PSMC3: variants seen among roughly 807,000 people sequenced by gnomAD.
The protein encoded by PSMC3 is proteasome 26S subunit, ATPase 3.
Under a neutral mutation model 52.0 loss-of-function variants are expected in PSMC3, and 11 were observed. The observed-to-expected ratio is 0.21, with a 90% CI of 0.13 to 0.35. The LOEUF (loss-of-function observed/expected upper bound fraction) is 0.35. Among genes scored for constraint, PSMC3 ranks in the 10% least tolerant of loss-of-function variants. The pLI, the probability that PSMC3 is intolerant of heterozygous loss-of-function variation, is 1.00. For synonymous variants in PSMC3, 201 were observed against 218.8 expected (o/e 0.92, Z 0.72); for missense variants, 238 against 567.1 (o/e 0.42, Z 5.89).
chr11:47,420,549 G>C, intron 9 of PSMC3, 82 bp downstream of exon 9: 3 of 1,512,748 alleles, frequency 2.0e-6, no homozygotes, highest in Admixed American at 2.0e-5. Flanking sequence ...TCTCATTCCA[G>C]CTCCACCACT....
In PSMC3 at chr11:47,422,308, C is replaced by G. The variant is rs2096041553; in HGVS notation, c.884+266G>C. Among the ~76,000 whole-genome samples the G allele has an allele frequency of 6.6e-6, 1 of 152,164 alleles. No individual in the cohort carries two copies. Among genetic ancestry groups the G allele is most frequent in the Non-Finnish European group, 1.5e-5 (1 of 68,024 alleles). ...CCGCCTGCCTCGGCCTCCCAAAGTG[C>G]TGGGATTACAGGCGTGAGCCACCGT... On this transcript the variant is annotated intron_variant, in intron 8 of 11. Coordinates refer to ENST00000298852, the MANE Select transcript of PSMC3 (RefSeq NM_002804.5). The surrounding 1 kb of genome is among the most constrained non-coding windows in gnomAD (Gnocchi z 4.3).
At chr11:47,419,045 A>G (rs1013937246) in intron 11 of PSMC3, 71 bp downstream of exon 11, 69 of 1,605,606 alleles carry the variant, frequency 4.3e-5, no homozygotes, top group Non-Finnish European at 5.7e-5. Context: ...CACCAGCCAA[A>G]TGCCCCCATC....
intron 6 of PSMC3, 64 bp downstream of exon 6, chr11:47,423,982 C>T: frequency 1.9e-6 from 3 of 1,608,590 alleles, no homozygotes; most frequent in Non-Finnish European, 1.7e-6. Flanking sequence ...AGATGAGCTG[C>T]ATCAATGGCG....
At chr11:47,423,784 C>T (rs536971609) in intron 6 of PSMC3, among the ~76,000 whole-genome samples, 1 of 79,930 alleles carries the variant, frequency 1.3e-5, no homozygotes, top group Admixed American at 1.6e-4. Context: ...AGCAAAACTC[C>T]ATCTCGGAAA....
chr11:47,421,861 A>G (rs2096040975), intron 8 of PSMC3, among the ~76,000 whole-genome samples: 1 of 151,898 alleles, frequency 6.6e-6, no homozygotes, highest in Admixed American at 6.6e-5. Flanking sequence ...CATGTTGGCC[A>G]GGCTGGTCTC....
Position 47,422,938 on chromosome 11 carries a change from C to T in PSMC3, c.627G>A (p.Lys209=). ...VEAIVLPMNH[K]EKFENLGIQP... ...GGATCCCCAAGTTCTCAAACTTCTC[C>T]TTGTGGTTCATTGGCAAGACAATGG... The change falls in exon 7 of 12, where the codon AAG becomes AAA. Residue 209 remains lysine, a synonymous_variant. Coordinates refer to ENST00000298852, the MANE Select transcript of PSMC3 (RefSeq NM_002804.5). The surrounding 1 kb of genome is among the most constrained non-coding windows in gnomAD (Gnocchi z 4.3). 1.2e-6 allele frequency: 2 copies of T among 1,613,616 alleles called. No homozygotes were observed. The highest frequency in any genetic ancestry group is 1.7e-6 in the Non-Finnish European group (2 of 1,179,764).
rs900279013 is a variant in PSMC3 at position 47,425,947 on chromosome 11, C to T, written c.79G>A (p.Asp27Asn). 1.9e-6 allele frequency: 3 copies of T among 1,612,308 alleles called. No homozygotes were observed. Among genetic ancestry groups the T allele is most frequent in the Non-Finnish European group, 2.5e-6 (3 of 1,178,486 alleles). Residue 27 changes from aspartate (D) to asparagine (N), a missense_variant, in exon 2 of 12, where the codon GAT (aspartate) becomes AAT (asparagine). Asp to Asn is a conservative substitution (Grantham distance 23). Coordinates refer to ENST00000298852, the MANE Select transcript of PSMC3 (RefSeq NM_002804.5). Reference sequence around the variant, plus strand: ...TTGAGCACCTCCTCCCCAATTCCATCTTGCTGTAAAAAATTATTTGTTTAT... The same window carrying T: ...TTGAGCACCTCCTCCCCAATTCCATTTTGCTGTAAAAAATTATTTGTTTAT... ...MATVWDEAEQ[D>N]GIGEEVLKMS...
chr11:47,426,078 C>T (rs2096046069), intron 1 of PSMC3, 127 bp downstream of exon 1: 1 of 1,404,128 alleles, frequency 7.1e-7, no homozygotes. Context: ...GACCCCTGCC[C>T]ACATCCCAAA....
At position 47,425,062 on chromosome 11, in the gene PSMC3, C is replaced by T. The variant is rs140153526; in HGVS notation, c.285+59G>A. Reference sequence around the variant, plus strand: ...ACCCACTCTTTCCCTAGTGGCCCCACCCCAGGCTGTCCCCATTCCCTGCTG... The same window carrying T: ...ACCCACTCTTTCCCTAGTGGCCCCATCCCAGGCTGTCCCCATTCCCTGCTG... On this transcript the variant is annotated intron_variant, in intron 3 of 11. Coordinates refer to ENST00000298852, the MANE Select transcript of PSMC3 (RefSeq NM_002804.5). The T allele has an allele frequency of 5.6e-6, 9 of 1,609,880 alleles. No individual in the cohort carries two copies. In the East Asian group the frequency reaches 2.0e-4, roughly 36 times the overall value.
Position 47,425,360 on chromosome 11 carries a change from A to T in PSMC3, c.160-114T>A. 3.1e-6 allele frequency: 4 copies of T among 1,309,006 alleles called. No homozygotes were observed. The South Asian group carries it at 4.9e-5, about 16-fold the overall frequency. The allele number at this position is 1,309,006 out of a possible 1,614,324, so 81.1% of individuals were successfully genotyped here. On this transcript the variant is annotated intron_variant, in intron 2 of 11. Coordinates refer to ENST00000298852, the MANE Select transcript of PSMC3 (RefSeq NM_002804.5). ...GGGACCCTCCCGCATCCATTCATCC[A>T]GCTCTGAGGCTCTCTGAAGGCAGAG...
chr11:47,419,485 A>G (rs2096037375), intron 10 of PSMC3, among the ~76,000 whole-genome samples: 1 of 152,202 alleles, frequency 6.6e-6, no homozygotes, highest in Non-Finnish European at 1.5e-5. Flanking sequence ...TGTGCCCAGC[A>G]CTGCGCTTGA....
At position 47,422,571 on chromosome 11, in the gene PSMC3, T is replaced by C. The variant is rs375812734; in HGVS notation, c.884+3A>G. On this transcript the variant is annotated splice_donor_region_variant and intron_variant, in intron 8 of 11. Coordinates refer to ENST00000298852, the MANE Select transcript of PSMC3 (RefSeq NM_002804.5). This position sits in a 1 kb window ranked among gnomAD's most constrained non-coding sequence, Gnocchi z 4.3. The stretch of plus-strand genomic sequence containing the variant: ...TCGCTAGGGACCCTTGGCCCTCCCT[T>C]ACCGCTTGGTGCCGATGGCATCCAA... The C allele has an allele frequency of 1.9e-4, 307 of 1,614,030 alleles. 2 individuals carry two copies. In the South Asian group the frequency reaches 3.2e-3, roughly 17 times the overall value.
intron 10 of PSMC3, among the ~76,000 whole-genome samples, chr11:47,419,835 G>A (rs975357102): frequency 9.2e-5 from 14 of 151,794 alleles, no homozygotes; most frequent in Non-Finnish European, 1.8e-4. Context: ...CTCCAGCCTG[G>A]GCGACAGAGC....
Position 47,422,558 on chromosome 11 carries a change from CT to C in PSMC3, c.884+15del. ...ACCGCCACAGAGATCGCTAGGGACC[CT>C]TGGCCCTCCCTTACCGCTTGGTGCC... On this transcript the variant is annotated intron_variant, in intron 8 of 11. Coordinates refer to ENST00000298852, the MANE Select transcript of PSMC3 (RefSeq NM_002804.5). The surrounding 1 kb of genome is among the most constrained non-coding windows in gnomAD (Gnocchi z 4.3). 6.2e-7 allele frequency: 1 copy of C among 1,613,882 alleles called. No individual in the cohort carries two copies. The highest frequency in any genetic ancestry group is 8.5e-7 in the Non-Finnish European group (1 of 1,179,864).
intron 10 of PSMC3, among the ~76,000 whole-genome samples, chr11:47,419,882 A>G (rs1236174308): frequency 6.6e-6 from 1 of 151,258 alleles, no homozygotes; most frequent in African/African-American, 2.4e-5. Context: ...AAAAAAAAAA[A>G]GTAAGGCTGA....
Position 47,423,793 on chromosome 11 carries a change from A to G in PSMC3, c.591+253T>C, listed in dbSNP as rs1288223176. Among the ~76,000 whole-genome samples, 12 of 1,162 alleles carry G rather than the reference A, an allele frequency of 0.01. No individual in the cohort carries two copies. In the Admixed American group the frequency reaches 0.2, roughly 19 times the overall value. 0.8% of individuals were successfully genotyped at this position (1,162 alleles called of 152,430 possible). A position where few individuals can be genotyped will look rare whatever the true frequency, so the allele number is the denominator to read the frequency against. On this transcript the variant is annotated intron_variant, in intron 6 of 11. Transcript: ENST00000298852. Reference sequence around the variant, plus strand: ...AGTAAAAGCAAAACTCCATCTCGGAAAAAAAAAAAAAAAGGACACTGGGCC... The same window carrying G: ...AGTAAAAGCAAAACTCCATCTCGGAGAAAAAAAAAAAAAGGACACTGGGCC...
At chr11:47,425,083 T>A (rs201396602) in intron 3 of PSMC3, 38 bp downstream of exon 3, 7 of 1,613,242 alleles carry the variant, frequency 4.3e-6, no homozygotes, top group Non-Finnish European at 5.9e-6. Context: ...CCCCATTCCC[T>A]GCTGACTCCC....
At position 47,426,298 on chromosome 11, in the gene PSMC3, G is replaced by T; in HGVS notation, c.-19C>A. ...GATTCATTTCCTGGAGGAGCGGGCA[G>T]AAGATGGGACCAGGCGGGAGCCGCA... is the stretch of plus-strand genomic sequence containing the variant. On this transcript the variant is annotated 5_prime_UTR_variant, in exon 1 of 12. The change creates a new upstream start codon in the 5' untranslated region. Coordinates refer to ENST00000298852, the MANE Select transcript of PSMC3 (RefSeq NM_002804.5). The T allele has an allele frequency of 1.3e-6, 2 of 1,547,906 alleles. No individual in the cohort carries two copies. The highest frequency in any genetic ancestry group is 1.7e-6 in the Non-Finnish European group (2 of 1,144,284).
Position 47,422,457 on chromosome 11 carries a change from A to G in PSMC3, c.884+117T>C. On this transcript the variant is annotated intron_variant, in intron 8 of 11. Transcript: ENST00000298852. The surrounding 1 kb of genome is among the most constrained non-coding windows in gnomAD (Gnocchi z 4.3). Reference sequence around the variant, plus strand: ...GAATCTCAAGAGTTGAGGAGCCACCATCCAGGGGCAGGAGGGGATACAGGG... The same window carrying G: ...GAATCTCAAGAGTTGAGGAGCCACCGTCCAGGGGCAGGAGGGGATACAGGG... 7.8e-7 allele frequency: 1 copy of G among 1,279,318 alleles called. No individual in the cohort carries two copies. Among genetic ancestry groups the G allele is most frequent in the Non-Finnish European group, 1.1e-6 (1 of 920,076 alleles). The allele number at this position is 1,279,318 out of a possible 1,614,324, so 79.2% of individuals were successfully genotyped here.
Sources: gnomAD v4.1 joint callset for allele counts (sites outside exome capture counted in the v4.1 genomes callset) on GRCh38, gnomAD v4.1.1 for gene constraint, Gnocchi (gnomAD v3.1) non-coding constraint, MANE v1.5 for transcripts, NCBI Gene and HGNC (gene_info 2026-07-23, HGNC 2026-07-21) for gene names.